The following PSEN1 variants were observed in gnomAD, a reference collection of about 807,000 sequenced individuals.
The protein encoded by PSEN1 is presenilin-1.
Under a neutral mutation model 53.5 loss-of-function variants are expected in PSEN1, and 15 were observed. The ratio of observed to expected loss-of-function variants is 0.28; its 90% CI spans 0.19 to 0.43. PSEN1 has a LOEUF of 0.43. Ranked by LOEUF, PSEN1 falls within the 20% of genes least tolerant of loss-of-function variation. The pLI, the probability that PSEN1 is intolerant of heterozygous loss-of-function variation, is 1.00. For synonymous variants in PSEN1, 208 were observed against 209.8 expected, an observed-to-expected ratio of 0.99 and a Z score of 0.08; for missense variants, 387 against 571.2, an observed-to-expected ratio of 0.68 and a Z score of 3.29.
chr14:73,139,297 G>T (rs1896849039), intron 1 of PSEN1: 1 of 148,514 alleles, frequency 6.7e-6, no homozygotes, highest in Non-Finnish European at 1.5e-5. Context: ...TTAAAAAAAG[G>T]CTGGGCACAG....
chr14:73,179,957 T>C (rs981693366), intron 5 of PSEN1, among the ~76,000 whole-genome samples: 1 of 152,166 alleles, frequency 6.6e-6, no homozygotes, highest in Non-Finnish European at 1.5e-5. Flanking sequence ...TTTGTCGCAT[T>C]TGTACATCTT....
At chr14:73,153,305 G>C (rs975964885) in intron 3 of PSEN1, among the ~76,000 whole-genome samples, 2 of 152,140 alleles carry the variant, frequency 1.3e-5, no homozygotes, top group Non-Finnish European at 2.9e-5. Flanking sequence ...AATCTCTTAG[G>C]CACAAATATT....
chr14:73,212,530 A>C (rs1041482626), intron 10 of PSEN1, among the ~76,000 whole-genome samples: 1 of 152,202 alleles, frequency 6.6e-6, no homozygotes, highest in Non-Finnish European at 1.5e-5. Flanking sequence ...ACATTTGTCT[A>C]CAAAAATTTT....
At chr14:73,159,760 C>T (rs1897472884) in intron 3 of PSEN1, among the ~76,000 whole-genome samples, 1 of 152,278 alleles carries the variant, frequency 6.6e-6, no homozygotes, top group Non-Finnish European at 1.5e-5. Context: ...AACAACTCCC[C>T]ATTTTCCATT....
At chr14:73,171,926 C>T (rs1897902383) in intron 4 of PSEN1, among the ~76,000 whole-genome samples, 1 of 152,170 alleles carries the variant, frequency 6.6e-6, no homozygotes, top group Admixed American at 6.5e-5. Context: ...TTCTTGGTAT[C>T]TTTTCTCATA....
chr14:73,159,299 A>G (rs1897459583), intron 3 of PSEN1, among the ~76,000 whole-genome samples: 1 of 151,820 alleles, frequency 6.6e-6, no homozygotes, highest in South Asian at 2.1e-4. Context: ...CTTCTGCCTC[A>G]TTCTTCCAAA....
At chr14:73,185,154 C>G (rs1898450144) in intron 5 of PSEN1, among the ~76,000 whole-genome samples, 1 of 150,576 alleles carries the variant, frequency 6.6e-6, no homozygotes, top group African/African-American at 2.5e-5. Context: ...TCCTCACATC[C>G]CAGATGATGG....
chr14:73,189,199 G>A (rs1898624620), intron 6 of PSEN1, among the ~76,000 whole-genome samples: 1 of 152,216 alleles, frequency 6.6e-6, no homozygotes, highest in Admixed American at 6.5e-5. Flanking sequence ...GGAAAAGAAG[G>A]TTAAATTACC....
chr14:73,205,075 G>C (rs1899396223), intron 8 of PSEN1, among the ~76,000 whole-genome samples: 1 of 152,114 alleles, frequency 6.6e-6, no homozygotes, highest in African/African-American at 2.4e-5. Context: ...TTCTTTGATT[G>C]TGTGTTTCTT....
At chr14:73,189,115 A>G (rs1208125477) in intron 6 of PSEN1, among the ~76,000 whole-genome samples, 1 of 152,160 alleles carries the variant, frequency 6.6e-6, no homozygotes, top group Non-Finnish European at 1.5e-5. Context: ...CTTTATCACC[A>G]ATTATCTAGC....
chr14:73,189,343 G>T (rs1014682463), intron 6 of PSEN1, among the ~76,000 whole-genome samples: 1 of 152,178 alleles, frequency 6.6e-6, no homozygotes, highest in Non-Finnish European at 1.5e-5. Flanking sequence ...GGGTGCCGTG[G>T]CTCATGCCTG....
At chr14:73,140,995 A>T (rs74676595) in intron 1 of PSEN1, among the ~76,000 whole-genome samples, 1 of 152,194 alleles carries the variant, frequency 6.6e-6, no homozygotes, top group Non-Finnish European at 1.5e-5. Context: ...GTGGCTATCC[A>T]TGATAAGCTT....
At chr14:73,208,102 GA>G (rs1203232265) in intron 9 of PSEN1, among the ~76,000 whole-genome samples, 1 of 152,224 alleles carries the variant, frequency 6.6e-6, no homozygotes, top group African/African-American at 2.4e-5. Flanking sequence ...GAACCCCAAA[GA>G]GGGGGGTCAT....
intron 6 of PSEN1, among the ~76,000 whole-genome samples, chr14:73,187,806 G>A (rs1898569762): frequency 6.6e-6 from 1 of 152,146 alleles, no homozygotes; most frequent in Admixed American, 6.5e-5. Context: ...TTAATTTTAT[G>A]AAGCCAGCAT....
intron 3 of PSEN1, among the ~76,000 whole-genome samples, chr14:73,153,318 T>C (rs1897275420): frequency 6.6e-6 from 1 of 152,194 alleles, no homozygotes; most frequent in African/African-American, 2.4e-5. Flanking sequence ...CAAATATTAA[T>C]AATATGTTAA....
chr14:73,201,099 G>C (rs1040843182), intron 8 of PSEN1, among the ~76,000 whole-genome samples: 2 of 152,018 alleles, frequency 1.3e-5, no homozygotes, highest in Non-Finnish European at 2.9e-5. Context: ...TTGTTTGTTT[G>C]TTTGTTTGTG....
chr14:73,138,804 CAA>C (rs76081140), intron 1 of PSEN1, among the ~76,000 whole-genome samples: 5 of 132,320 alleles, frequency 3.8e-5, no homozygotes, highest in Admixed American at 2.3e-4. Flanking sequence ...CTAAAAAATA[CAA>C]AAAAAAAAAA....
At chr14:73,182,121 A>G (rs1486464436) in intron 5 of PSEN1, among the ~76,000 whole-genome samples, 2 of 152,148 alleles carry the variant, frequency 1.3e-5, no homozygotes, top group Non-Finnish European at 2.9e-5. Context: ...GGCCTTTAGA[A>G]TAGTTTTCTT....
Position 73,206,464 on chromosome 14 carries a change from A to G in PSEN1, c.947A>G (p.Asn316Ser). The G allele has an allele frequency of 6.2e-7, 1 of 1,611,852 alleles. No homozygotes were observed. The highest frequency in any genetic ancestry group is 1.1e-5 in the South Asian group (1 of 91,044). Residue 316 changes from asparagine (N) to serine (S), a missense_variant, in exon 9 of 12, where the codon AAT (asparagine) becomes AGT (serine). Physicochemically the swap from Asn to Ser is conservative, Grantham distance 46. Around this residue, in one of 4 missense-constraint regions of PSEN1, gnomAD observed 169 missense variants for 299.7 expected, o/e 0.56. Coordinates refer to ENST00000324501, the MANE Select transcript of PSEN1 (RefSeq NM_000021.4). ...QRRVSKNSKYNAESTERESQD... is the reference protein window; with the variant it reads ...QRRVSKNSKYSAESTERESQD... ...AGAGTATCCAAAAATTCCAAGTATA[A>G]TGCAGAAAGTAGGTAACTTTTATTA...
Sources: allele counts gnomAD v4.1 joint callset (sites outside exome capture counted in the v4.1 genomes callset), GRCh38; gene constraint gnomAD v4.1.1; regional missense constraint gnomAD v4.1.1; transcripts MANE v1.5; gene names NCBI Gene and HGNC (gene_info 2026-07-23, HGNC 2026-07-21).